Variants in ZNF443 observed in about 807,000 individuals in gnomAD.
ZNF443 encodes Kruppel-type zinc finger (C2H2).
Under a neutral mutation model 12.0 loss-of-function variants are expected in ZNF443, and 3 were observed. The ratio of observed to expected loss-of-function variants is 0.25; its 90% CI spans 0.11 to 0.64. The LOEUF is 0.64. ZNF443 is among the 30% of genes least tolerant of loss of function. The probability of loss-of-function intolerance (pLI) is 0.84; values close to 1 mark genes in which losing one functional copy is unlikely to be tolerated. For missense variants in ZNF443, 770 were observed against 808.8 expected, an observed-to-expected ratio of 0.95 and a Z score of 0.58; for synonymous variants, 225 against 265.9, an observed-to-expected ratio of 0.85 and a Z score of 1.50.
chr19:12,434,699 A>T (rs36021678), intron 1 of ZNF443, among the ~76,000 whole-genome samples: 1 of 151,908 alleles, frequency 6.6e-6, no homozygotes, highest in Non-Finnish European at 1.5e-5. Flanking sequence ...TAACACAGAG[A>T]CAAATATATA....
chr19:12,431,716 G>C lies in ZNF443; in HGVS notation c.456C>G (p.Tyr152Ter), dbSNP rs368839227. 4.3e-5 allele frequency: 69 copies of C among 1,613,968 alleles called. No individual in the cohort carries two copies. Among genetic ancestry groups the C allele is most frequent in the Non-Finnish European group, 5.8e-5 (69 of 1,179,996 alleles). Residue 152 changes from tyrosine to a stop codon, truncating the protein, a stop_gained, in exon 4 of 4, where the codon TAC becomes TAG. Coordinates refer to ENST00000301547, the MANE Select transcript of ZNF443 (RefSeq NM_005815.5). LOFTEE classifies it low-confidence loss of function (END_TRUNC). Reference sequence around the variant, plus strand: ...TCTCATGTGTTTGAAATGAGTTGTGGTAACTGAAGGCTTTCCCACGTTGTT... The same window carrying C: ...TCTCATGTGTTTGAAATGAGTTGTGCTAACTGAAGGCTTTCCCACGTTGTT... ...THKQRGKAFSYHNSFQTHERL... is the reference protein window; with the variant it reads ...THKQRGKAFS
intron 1 of ZNF443, among the ~76,000 whole-genome samples, chr19:12,439,889 T>C (rs182879606): frequency 2.6e-4 from 40 of 152,144 alleles, no homozygotes; most frequent in Middle Eastern, 3.4e-3. Flanking sequence ...CAGTTCATAC[T>C]GTTGCTGTGA....
At position 12,430,951 on chromosome 19, in the gene ZNF443, G is replaced by T. The variant is rs1225484346; in HGVS notation, c.1221C>A (p.Ser407Arg). 6.2e-7 allele frequency: 1 copy of T among 1,613,728 alleles called. No individual in the cohort carries two copies. The highest frequency in any genetic ancestry group is 8.5e-7 in the Non-Finnish European group (1 of 1,179,772). ...QCGKALSHRS[S>R]FRSHMIMHTG... Reference sequence around the variant, plus strand: ...TGTGCATTATCATATGACTTCGAAAGCTTGAGCGATGAGATAATGCTTTCC... The same window carrying T: ...TGTGCATTATCATATGACTTCGAAATCTTGAGCGATGAGATAATGCTTTCC... Residue 407 changes from serine to arginine, a missense_variant, in exon 4 of 4, where the codon AGC becomes AGA. By Grantham distance (110) the Ser-to-Arg change is moderately radical. This residue lies in a region of ZNF443 where 736 missense variants were observed against 689.4 expected (regional missense o/e 1.07). Transcript: ENST00000301547.
Position 12,430,377 on chromosome 19 carries a change from G to C in ZNF443, c.1795C>G (p.His599Asp), listed in dbSNP as rs148313332. 28 of 1,572,994 alleles carry C rather than the reference G, an allele frequency of 1.8e-5. No homozygotes were observed. In the Admixed American group the frequency reaches 4.6e-4, roughly 26 times the overall value. ...ECPQCGKAFTHSRFLQGHEKT... is the reference protein window; with the variant it reads ...ECPQCGKAFTDSRFLQGHEKT... ...TCATGTCCTTGAAGAAAACGGGAAT[G>C]AGTGAAGGCTTTACCACATTGTGGA... Residue 599 changes from histidine (H) to aspartate (D), a missense_variant, in exon 4 of 4, where the codon CAT (histidine) becomes GAT (aspartate). Around this residue, in one of 3 missense-constraint regions of ZNF443, gnomAD observed 736 missense variants for 689.4 expected, o/e 1.07. Coordinates refer to ENST00000301547, the MANE Select transcript of ZNF443 (RefSeq NM_005815.5).
intron 1 of ZNF443, among the ~76,000 whole-genome samples, chr19:12,437,652 C>A (rs991012027): frequency 8.6e-5 from 13 of 151,982 alleles, no homozygotes; most frequent in African/African-American, 3.1e-4. Flanking sequence ...CAAGGACTGA[C>A]AGAGTAGAAT....
chr19:12,436,836 G>T (rs1439198967), intron 1 of ZNF443, among the ~76,000 whole-genome samples: 1 of 150,440 alleles, frequency 6.6e-6, no homozygotes, highest in Non-Finnish European at 1.5e-5. Flanking sequence ...TTCAATGAAG[G>T]CACAAAAATT....
At chr19:12,434,594 G>C (rs1260570543) in intron 1 of ZNF443, among the ~76,000 whole-genome samples, 2 of 152,014 alleles carry the variant, frequency 1.3e-5, no homozygotes, top group African/African-American at 4.8e-5. Flanking sequence ...AGAACTCACA[G>C]TATCTAAAAA....
At chr19:12,435,394 A>G (rs1398492370) in intron 1 of ZNF443, among the ~76,000 whole-genome samples, 1 of 152,222 alleles carries the variant, frequency 6.6e-6, no homozygotes, top group Non-Finnish European at 1.5e-5. Context: ...AGAACAGACT[A>G]TGATTAAGAC....
At position 12,431,215 on chromosome 19, in the gene ZNF443, A is replaced by C. The variant is rs1207065704; in HGVS notation, c.957T>G (p.Ser319Arg). Residue 319 changes from serine to arginine, a missense_variant, in exon 4 of 4, where the codon AGT becomes AGG. Coordinates refer to ENST00000301547, the MANE Select transcript of ZNF443 (RefSeq NM_005815.5). ...YTCKQCGKAFSVSGSLQRHET... is the reference protein window; with the variant it reads ...YTCKQCGKAFRVSGSLQRHET... ...CATGTCTTTGAAGGGAACCGGAAAC[A>C]CTGAAGGCTTTCCCACATTGTTTAC... The C allele has an allele frequency of 6.2e-7, 1 of 1,613,978 alleles. No homozygotes were observed. Among genetic ancestry groups the C allele is most frequent in the East Asian group, 2.2e-5 (1 of 44,862 alleles).
rs2144949678 is a variant in ZNF443 at position 12,431,990 on chromosome 19, A to C, written c.192-10T>G. 6.5e-7 allele frequency: 1 copy of C among 1,536,118 alleles called. No individual in the cohort carries two copies. Among genetic ancestry groups the C allele is most frequent in the East Asian group, 2.3e-5 (1 of 44,310 alleles). Reference sequence around the variant, plus strand: ...CTCTAACATACGACATCTGTAAAAAATGGGAAATATATCACTAAAAGTCGG... The same window carrying C: ...CTCTAACATACGACATCTGTAAAAACTGGGAAATATATCACTAAAAGTCGG... On this transcript the variant is annotated splice_polypyrimidine_tract_variant and intron_variant, in intron 3 of 3. Coordinates refer to ENST00000301547, the MANE Select transcript of ZNF443 (RefSeq NM_005815.5).
In ZNF443 at chr19:12,430,884, A is replaced by C; in HGVS notation, c.1288T>G (p.Phe430Val). ...CTTTGAAATACACTGGGATAAACAA[A>C]GGCTTTCCCACATACCTTGCATTTA... Reference protein sequence around the residue: ...PHKCKVCGKAFVYPSVFQRHE... With the variant: ...PHKCKVCGKAVVYPSVFQRHE... Residue 430 changes from phenylalanine to valine, a missense_variant, in exon 4 of 4, where the codon TTT becomes GTT. Physicochemically the swap from Phe to Val is conservative, Grantham distance 50 (BLOSUM62 -1). This residue lies in a region of ZNF443 where 736 missense variants were observed against 689.4 expected (regional missense o/e 1.07). Coordinates refer to ENST00000301547, the MANE Select transcript of ZNF443 (RefSeq NM_005815.5). 6.2e-7 allele frequency: 1 copy of C among 1,614,134 alleles called. No homozygotes were observed. The highest frequency in any genetic ancestry group is 8.5e-7 in the Non-Finnish European group (1 of 1,179,994).
chr19:12,430,902 T>C lies in ZNF443; in HGVS notation c.1270A>G (p.Lys424Glu). 2 of 1,614,066 alleles carry C rather than the reference T, an allele frequency of 1.2e-6. No homozygotes were observed. Among genetic ancestry groups the C allele is most frequent in the Non-Finnish European group, 1.7e-6 (2 of 1,179,968 alleles). ...MHTGDGPHKC[K>E]VCGKAFVYPS... Reference sequence around the variant, plus strand: ...TAAACAAAGGCTTTCCCACATACCTTGCATTTATGAGGTCCATCTCCAGTG... The same window carrying C: ...TAAACAAAGGCTTTCCCACATACCTCGCATTTATGAGGTCCATCTCCAGTG... Residue 424 changes from lysine (K) to glutamate (E), a missense_variant, in exon 4 of 4, where the codon AAG becomes GAG. By Grantham distance (56) the Lys-to-Glu change is moderately conservative (BLOSUM62 1). Coordinates refer to ENST00000301547, the MANE Select transcript of ZNF443 (RefSeq NM_005815.5).
At chr19:12,436,909 T>C (rs1321925799) in intron 1 of ZNF443, among the ~76,000 whole-genome samples, 3 of 150,078 alleles carry the variant, frequency 2.0e-5, no homozygotes, top group Non-Finnish European at 4.4e-5. Context: ...TAACAATGTA[T>C]TGGGTGGTTA....
rs753914167 is a variant in ZNF443 at position 12,431,736 on chromosome 19, G to A, written c.436C>T (p.Arg146Cys). The change falls in exon 4 of 4, where the codon CGT becomes TGT. Residue 146 changes from arginine to cysteine, a missense_variant. This residue lies in a region of ZNF443 where 736 missense variants were observed against 689.4 expected (regional missense o/e 1.07). Coordinates refer to ENST00000301547, the MANE Select transcript of ZNF443 (RefSeq NM_005815.5). Reference protein sequence around the residue: ...CGEKPDTHKQRGKAFSYHNSF... With the variant: ...CGEKPDTHKQCGKAFSYHNSF... ...TTGTGGTAACTGAAGGCTTTCCCAC[G>A]TTGTTTATGCGTATCTGGCTTCTCT... 53 of 1,614,100 alleles carry A rather than the reference G, an allele frequency of 3.3e-5. No homozygotes were observed. The highest frequency in any genetic ancestry group is 4.0e-5 in the African/African-American group (3 of 75,028).
At position 12,430,009 on chromosome 19, in the gene ZNF443, A is replaced by T; in HGVS notation, c.*147T>A. ...AATACCCAGCAGGTATCAAGGGATG[A>T]CTGTACTGGAAAGAAACTGAAACTA... On this transcript the variant is annotated 3_prime_UTR_variant, in exon 4 of 4. Coordinates refer to ENST00000301547, the MANE Select transcript of ZNF443 (RefSeq NM_005815.5). 7 of 1,414,882 alleles carry T rather than the reference A, an allele frequency of 4.9e-6. No individual in the cohort carries two copies. Among genetic ancestry groups the T allele is most frequent in the Non-Finnish European group, 6.7e-6 (7 of 1,045,604 alleles). The allele number at this position is 1,414,882 out of a possible 1,614,324, so 87.6% of individuals were successfully genotyped here.
intron 1 of ZNF443, among the ~76,000 whole-genome samples, chr19:12,440,418 C>G (rs1251187672): frequency 4.6e-5 from 7 of 152,316 alleles, no homozygotes; most frequent in Non-Finnish European, 1.0e-4. Flanking sequence ...CGAGGGAGCC[C>G]TCTCAGCAGA....
chr19:12,431,663 T>C lies in ZNF443; in HGVS notation c.509A>G (p.Asp170Gly). The C allele has an allele frequency of 1.2e-6, 2 of 1,614,154 alleles. No homozygotes were observed. The highest frequency in any genetic ancestry group is 1.1e-5 in the South Asian group (1 of 91,076). Residue 170 changes from aspartate to glycine, a missense_variant, in exon 4 of 4, where the codon GAT (aspartate) becomes GGT (glycine). By Grantham distance (94) the Asp-to-Gly change is moderately conservative. Coordinates refer to ENST00000301547, the MANE Select transcript of ZNF443 (RefSeq NM_005815.5). ...GAAGGACTTCCCACATTCTTTACAATCATATGGTTTCTTTCCAGTGTGAAG... is the reference window on the plus strand; with the variant it reads ...GAAGGACTTCCCACATTCTTTACAACCATATGGTTTCTTTCCAGTGTGAAG... ...ERLHTGKKPY[D>G]CKECGKSFSS...
intron 1 of ZNF443, 28 bp downstream of exon 1, chr19:12,440,884 C>T: frequency 6.2e-7 from 1 of 1,614,064 alleles, no homozygotes. Context: ...CCCTCCCCCG[C>T]CTCGGGACGC....
rs2144956422 is a variant in ZNF443, at chr19:12,436,690, T to C, written c.4-3493A>G. ...GTGATTGGTGTACTTGTCTTGCCAA[T>C]AATGTTAAAAGAAGTTCATCAGAGA... On this transcript the variant is annotated intron_variant, in intron 1 of 3. Transcript: ENST00000301547. 2.0e-5 allele frequency among the ~76,000 whole-genome samples: 3 copies of C among 151,752 alleles called. 1 individual carries two copies. Among genetic ancestry groups the C allele is most frequent in the Admixed American group, 2.0e-4 (3 of 15,212 alleles).
Sources: gnomAD v4.1 joint callset for allele counts (sites outside exome capture counted in the v4.1 genomes callset) on GRCh38, gnomAD v4.1.1 for gene constraint, gnomAD v4.1.1 regional missense constraint, MANE v1.5 for transcripts, NCBI Gene and HGNC (gene_info 2026-07-23, HGNC 2026-07-21) for gene names.